Variants in PMEL observed in about 807,000 individuals in gnomAD.
PMEL encodes melanocyte protein PMEL.
PMEL carries 53 observed loss-of-function variants against 64.9 expected under a neutral mutation model. The observed-to-expected ratio is 0.82, with a 90% CI of 0.66 to 1.03. The LOEUF (loss-of-function observed/expected upper bound fraction) is 1.03. Ranked by LOEUF, PMEL falls within the 50% of genes least tolerant of loss-of-function variation. The pLI, the probability that PMEL is intolerant of heterozygous loss-of-function variation, is 0.00. For synonymous variants in PMEL, 299 were observed against 316.2 expected (o/e 0.95, Z 0.58); for missense variants, 716 against 814.9 (o/e 0.88, Z 1.48).
At chr12:55,963,971 T>A (rs1360985166) in intron 1 of PMEL, among the ~76,000 whole-genome samples, 1 of 151,612 alleles carries the variant, frequency 6.6e-6, no homozygotes, top group Non-Finnish European at 1.5e-5. Flanking sequence ...GAAACTTCCT[T>A]CCCTTTCCTT....
intron 3 of PMEL, among the ~76,000 whole-genome samples, chr12:55,959,244 G>A (rs1889010434): frequency 6.6e-6 from 1 of 151,672 alleles, no homozygotes; most frequent in Admixed American, 6.6e-5. Context: ...AATTAGCCAG[G>A]TGTGGTGGTA....
In PMEL at chr12:55,957,918, CT is replaced by C; in HGVS notation, c.631+4del. 1 of 1,614,112 alleles carries C rather than the reference CT, an allele frequency of 6.2e-7. No individual in the cohort carries two copies. Among genetic ancestry groups the C allele is most frequent in the Non-Finnish European group, 8.5e-7 (1 of 1,179,968 alleles). On this transcript the variant is annotated splice_donor_region_variant and intron_variant, in intron 5 of 10. Coordinates refer to ENST00000548747, the MANE Select transcript of PMEL (RefSeq NM_001384361.1). ...AACTGGCCTTGCCCCTTCCTAAACC[CT>C]TACCAGTAATGGTGAAGGCTGAGCT...
chr12:55,957,911 C>T lies in PMEL; in HGVS notation c.631+12G>A, dbSNP rs756451110. On this transcript the variant is annotated intron_variant, in intron 5 of 10. Coordinates refer to ENST00000548747, the MANE Select transcript of PMEL (RefSeq NM_001384361.1). ...GCCCTACAACTGGCCTTGCCCCTTC[C>T]TAAACCCTTACCAGTAATGGTGAAG... 1.2e-6 allele frequency: 2 copies of T among 1,613,856 alleles called. No individual in the cohort carries two copies. The highest frequency in any genetic ancestry group is 2.7e-5 in the African/African-American group (2 of 74,944).
In PMEL at chr12:55,961,732, A is replaced by G. The variant is rs150858017; in HGVS notation, c.77T>C (p.Val26Ala). The change falls in exon 2 of 11, where the codon GTA becomes GCA. Residue 26 changes from valine to alanine, a missense_variant and splice_region_variant. Transcript: ENST00000548747. ...ACCAAGCCAGTCCTGGTTTCTGGGT[A>G]CTAAAAGGAATGTGCCATGAAGGGC... ...GALLAVGATK[V>A]PRNQDWLGVS... The G allele has an allele frequency of 1.4e-5, 23 of 1,610,146 alleles. No homozygotes were observed. Among genetic ancestry groups the G allele is most frequent in the Non-Finnish European group, 1.9e-5 (22 of 1,176,506 alleles).
chr12:55,966,105 C>T (rs1024522713), upstream of PMEL: 3 of 1,599,022 alleles, frequency 1.9e-6, no homozygotes, highest in Admixed American at 1.7e-5. Flanking sequence ...CCTTCCTCTT[C>T]TCCCTCAGAG....
At chr12:55,965,840 A>G in intron 1 of PMEL, 96 bp downstream of exon 1, 1 of 1,460,632 alleles carries the variant, frequency 6.8e-7, no homozygotes, top group Non-Finnish European at 9.6e-7. Context: ...GACGCCTGAA[A>G]TATTGCCGCT....
At chr12:55,961,052 A>C (rs1889082917) in intron 3 of PMEL, 12 of 346,586 alleles carry the variant, frequency 3.5e-5, no homozygotes, top group Non-Finnish European at 5.5e-5. Context: ...AAATACAAAA[A>C]AAATTAGCCG....
chr12:55,961,832 G>C, intron 1 of PMEL, 100 bp from the exon 2 acceptor site: 2 of 661,216 alleles, frequency 3.0e-6, no homozygotes, highest in Non-Finnish European at 4.9e-6. Context: ...CATTCGAAGT[G>C]CATTTTTTTT....
In PMEL at chr12:55,954,337, C is replaced by T; in HGVS notation, c.1863G>A (p.Met621Ile). 1 of 1,614,132 alleles carries T rather than the reference C, an allele frequency of 6.2e-7. No individual in the cohort carries two copies. Among genetic ancestry groups the T allele is most frequent in the African/African-American group, 1.3e-5 (1 of 75,042 alleles). Residue 621 changes from methionine (M) to isoleucine (I), a missense_variant, in exon 11 of 11, where the codon ATG becomes ATA. Coordinates refer to ENST00000548747, the MANE Select transcript of PMEL (RefSeq NM_001384361.1). ...LASLIYRRRL[M>I]KQDFSVPQLP... is the part of the protein sequence containing the mutation. Reference sequence around the variant, plus strand: ...ACTGGGGTACGGAGAAGTCTTGCTTCATAAGTCTGCGCCTGATATTGGGAG... The same window carrying T: ...ACTGGGGTACGGAGAAGTCTTGCTTTATAAGTCTGCGCCTGATATTGGGAG...
rs750015504 is a variant in PMEL at position 55,961,620 on chromosome 12, A to G, written c.187+2T>C. On this transcript the variant is annotated splice_donor_variant, in intron 2 of 10. Coordinates refer to ENST00000548747, the MANE Select transcript of PMEL (RefSeq NM_001384361.1). LOFTEE classifies it high-confidence loss of function. ...CCTCCCCTGGAACTTCCAAGTTCCT[A>G]CCTCTCCAGCAGTCAAGTCTCTGGG... The G allele has an allele frequency of 1.3e-5, 21 of 1,611,742 alleles. No homozygotes were observed. Among genetic ancestry groups the G allele is most frequent in the Non-Finnish European group, 1.7e-5 (20 of 1,178,258 alleles).
At position 55,956,128 on chromosome 12, in the gene PMEL, G is replaced by T. The variant is rs567629874; in HGVS notation, c.1446C>A (p.Ser482=). The T allele has an allele frequency of 6.2e-7, 1 of 1,613,420 alleles. No individual in the cohort carries two copies. Among genetic ancestry groups the T allele is most frequent in the South Asian group, 1.1e-5 (1 of 91,080 alleles). The change falls in exon 7 of 11, where the codon TCC becomes TCA. Residue 482 remains serine, a synonymous_variant. Coordinates refer to ENST00000548747, the MANE Select transcript of PMEL (RefSeq NM_001384361.1). ...PLDCVLYRYG[S]FSVTLDIVQG... ...GGACAATGTCCAGGGTGACGGAAAA[G>T]GAACCATATCGATACAGAACACAAT... is the stretch of plus-strand genomic sequence containing the variant.
At chr12:55,955,972 C>A in intron 7 of PMEL, 109 bp from the exon 8 acceptor site, 2 of 1,154,338 alleles carry the variant, frequency 1.7e-6, no homozygotes, top group South Asian at 1.2e-5. Flanking sequence ...CCTGTGCTTT[C>A]AAATGAGGAC....
chr12:55,955,202 T>C, intron 10 of PMEL, 72 bp downstream of exon 10: 1 of 1,125,792 alleles, frequency 8.9e-7, no homozygotes. Context: ...GGTGGTTTCT[T>C]CTCCCCTTGA....
intron 5 of PMEL, 112 bp downstream of exon 5, chr12:55,957,811 G>T: frequency 6.6e-7 from 1 of 1,518,026 alleles, no homozygotes; most frequent in Non-Finnish European, 8.9e-7. Context: ...GGTCTTCCTG[G>T]CCCTTCTACT....
chr12:55,964,950 C>T (rs1201973718), intron 1 of PMEL, among the ~76,000 whole-genome samples: 34 of 117,762 alleles, frequency 2.9e-4, no homozygotes, highest in Non-Finnish European at 5.0e-4. Context: ...TTTTTTGAGA[C>T]GGAGACTCGC....
In PMEL at chr12:55,957,644, G is replaced by A. The variant is rs147750511; in HGVS notation, c.659C>T (p.Ser220Phe). Residue 220 changes from serine (S) to phenylalanine (F), a missense_variant, in exon 6 of 11, where the codon TCC (serine) becomes TTC (phenylalanine). Transcript: ENST00000548747. ...TDQVPFSVSV[S>F]QLRALDGGNK... Reference sequence around the variant, plus strand: ...CCCTCCATCCAAGGCCCGCAACTGGGACACGCTCACGGAGAAAGGCACCTG... The same window carrying A: ...CCCTCCATCCAAGGCCCGCAACTGGAACACGCTCACGGAGAAAGGCACCTG... 1.2e-4 allele frequency: 197 copies of A among 1,611,752 alleles called. 1 individual carries two copies. The African/African-American group carries it at 2.5e-3, about 20-fold the overall frequency.
At position 55,957,612 on chromosome 12, in the gene PMEL, G is replaced by A. The variant is rs1888940250; in HGVS notation, c.691C>T (p.His231Tyr). Residue 231 changes from histidine to tyrosine, a missense_variant, in exon 6 of 11, where the codon CAC (histidine) becomes TAC (tyrosine). Physicochemically the swap from His to Tyr is moderately conservative, Grantham distance 83 (BLOSUM62 2). Coordinates refer to ENST00000548747, the MANE Select transcript of PMEL (RefSeq NM_001384361.1). ...QLRALDGGNKHFLRNQPLTFA... is the reference protein window; with the variant it reads ...QLRALDGGNKYFLRNQPLTFA... ...GTCAGAGGCTGATTTCTCAGGAAGTGCTTGTTCCCTCCATCCAAGGCCCGC... is the reference window on the plus strand; with the variant it reads ...GTCAGAGGCTGATTTCTCAGGAAGTACTTGTTCCCTCCATCCAAGGCCCGC... 2.5e-6 allele frequency: 4 copies of A among 1,613,378 alleles called. No individual in the cohort carries two copies. The highest frequency in any genetic ancestry group is 1.3e-5 in the African/African-American group (1 of 74,720).
At chr12:55,960,259 A>T (rs1265533922) in intron 3 of PMEL, among the ~76,000 whole-genome samples, 4 of 151,682 alleles carry the variant, frequency 2.6e-5, no homozygotes, top group African/African-American at 9.7e-5. Context: ...AAAAAAAGAA[A>T]TGGAAACACA....
At chr12:55,958,365 A>T in intron 4 of PMEL, 108 bp downstream of exon 4, 1 of 1,137,120 alleles carries the variant, frequency 8.8e-7, no homozygotes, top group Non-Finnish European at 1.3e-6. Context: ...AATGAAGATT[A>T]GAGAAAATCA....
Sources: gnomAD v4.1 joint callset for allele counts (sites outside exome capture counted in the v4.1 genomes callset) on GRCh38, gnomAD v4.1.1 for gene constraint, MANE v1.5 for transcripts, NCBI Gene and HGNC (gene_info 2026-07-23, HGNC 2026-07-21) for gene names.